The following CFAP54 variants were observed in gnomAD, a reference collection of about 807,000 sequenced individuals.
The protein encoded by CFAP54 is cilia- and flagella-associated protein 54.
CFAP54 carries 290 observed loss-of-function variants against 370.4 expected under a neutral mutation model. The ratio of observed to expected loss-of-function variants is 0.78; its 90% CI spans 0.71 to 0.86. CFAP54 has a LOEUF of 0.86. CFAP54 is among the 40% of genes least tolerant of loss of function. CFAP54 has a pLI of 0.00. For synonymous variants in CFAP54, 1,206 were observed against 1,236.5 expected, an observed-to-expected ratio of 0.98 and a Z score of 0.52; for missense variants, 3,399 against 3,528.7, an observed-to-expected ratio of 0.96 and a Z score of 0.93.
intron 26 of CFAP54, among the ~76,000 whole-genome samples, chr12:96,614,155 C>T (rs1956391063): frequency 1.3e-5 from 2 of 152,172 alleles, no homozygotes; most frequent in Non-Finnish European, 2.9e-5. Flanking sequence ...CATCAAAAAG[C>T]TTATCCACCA....
At chr12:96,651,987 T>A (rs905186708) in intron 36 of CFAP54, among the ~76,000 whole-genome samples, 172 bp downstream of exon 36, 1 of 152,184 alleles carries the variant, frequency 6.6e-6, no homozygotes, top group African/African-American at 2.4e-5. Context: ...TGATGTTAAC[T>A]AACAATAGCT....
intron 60 of CFAP54, among the ~76,000 whole-genome samples, chr12:96,770,188 A>ATGTGTG (rs57662567): frequency 0.046 from 6,980 of 151,004 alleles, 271 homozygotes; most frequent in East Asian, 0.1. Context: ...TGAAGGTGGG[A>ATGTGTG]TGTGTGTGTG....
chr12:96,710,411 T>C (rs1490431686), intron 48 of CFAP54, among the ~76,000 whole-genome samples: 1 of 152,068 alleles, frequency 6.6e-6, no homozygotes, highest in Non-Finnish European at 1.5e-5. Context: ...ATTTGAATAA[T>C]TTTAGTTTGA....
chr12:96,639,522 C>G (rs1400837391), intron 32 of CFAP54, among the ~76,000 whole-genome samples: 1 of 152,170 alleles, frequency 6.6e-6, no homozygotes, highest in African/African-American at 2.4e-5. Context: ...TGGTACCATT[C>G]CTTCTGAAAC....
rs188404603 is a variant in CFAP54, at chr12:96,789,098, C to T, written c.8679+2200C>T. 1.1e-3 allele frequency among the ~76,000 whole-genome samples: 167 copies of T among 152,302 alleles called. 1 individual carries two copies. The highest frequency in any genetic ancestry group is 0.01 in the Middle Eastern group (3 of 294). On this transcript the variant is annotated intron_variant, in intron 62 of 67. Transcript: ENST00000524981. ...ATGAGTACCAAAGTAGACAGATTTTCCAATCTGGCCTCATATTATTGGGTC... is the reference window on the plus strand; with the variant it reads ...ATGAGTACCAAAGTAGACAGATTTTTCAATCTGGCCTCATATTATTGGGTC...
At chr12:96,639,392 C>G (rs2136485578) in intron 32 of CFAP54, among the ~76,000 whole-genome samples, 1 of 152,326 alleles carries the variant, frequency 6.6e-6, no homozygotes, top group African/African-American at 2.4e-5. Flanking sequence ...GAAGTTGAAT[C>G]TCTGAATAGA....
chr12:96,694,905 C>T (rs1957426693), intron 45 of CFAP54, among the ~76,000 whole-genome samples: 1 of 152,066 alleles, frequency 6.6e-6, no homozygotes, highest in South Asian at 2.1e-4. Context: ...CCTGAAATCC[C>T]AGCTACTCTG....
intron 26 of CFAP54, among the ~76,000 whole-genome samples, chr12:96,616,301 G>A (rs1956416744): frequency 6.6e-6 from 1 of 150,966 alleles, no homozygotes; most frequent in Admixed American, 6.6e-5. Flanking sequence ...TCATAGGTGG[G>A]AATTGAACAA....
chr12:96,656,608 C>T (rs761673952), intron 36 of CFAP54, among the ~76,000 whole-genome samples: 5 of 152,190 alleles, frequency 3.3e-5, no homozygotes, highest in South Asian at 2.1e-4. Flanking sequence ...CTCAAACTCC[C>T]GACCTCAGTT....
intron 45 of CFAP54, among the ~76,000 whole-genome samples, chr12:96,697,077 A>C (rs1396845300): frequency 6.6e-6 from 1 of 152,226 alleles, no homozygotes; most frequent in Non-Finnish European, 1.5e-5. Context: ...TCAACACATC[A>C]AACCTAGAAA....
At chr12:96,745,287 AT>A (rs1210510121) in intron 55 of CFAP54, among the ~76,000 whole-genome samples, 1 of 152,152 alleles carries the variant, frequency 6.6e-6, no homozygotes, top group Non-Finnish European at 1.5e-5. Context: ...GGTTGAACTA[AT>A]TTACACTCCC....
chr12:96,761,798 A>C (rs781495448), intron 58 of CFAP54, among the ~76,000 whole-genome samples: 5 of 152,046 alleles, frequency 3.3e-5, no homozygotes, highest in Non-Finnish European at 5.9e-5. Flanking sequence ...ATTAATTATA[A>C]ATGCAAATGT....
chr12:96,828,200 G>C (rs1308250606), intron 65 of CFAP54, among the ~76,000 whole-genome samples: 1 of 150,282 alleles, frequency 6.7e-6, no homozygotes, highest in Non-Finnish European at 1.5e-5. Flanking sequence ...AGTTGTAAGT[G>C]AGGAAAAAAC....
intron 35 of CFAP54, among the ~76,000 whole-genome samples, 160 bp from the exon 36 acceptor site, chr12:96,651,428 A>G (rs1164173686): frequency 2.0e-5 from 3 of 152,226 alleles, no homozygotes; most frequent in African/African-American, 7.2e-5. Context: ...GAAGTAAATG[A>G]GATAATGCAT....
intron 8 of CFAP54, among the ~76,000 whole-genome samples, chr12:96,523,969 A>G (rs1380596394): frequency 2.0e-5 from 3 of 151,734 alleles, no homozygotes; most frequent in Non-Finnish European, 4.4e-5. Context: ...TAGTTGTTTC[A>G]GAGGCTAGTC....
intron 20 of CFAP54, among the ~76,000 whole-genome samples, chr12:96,580,294 C>T (rs1232128671): frequency 6.6e-6 from 1 of 152,060 alleles, no homozygotes; most frequent in Non-Finnish European, 1.5e-5. Context: ...ATAGTAATCC[C>T]ATCTCATAGA....
intron 39 of CFAP54, among the ~76,000 whole-genome samples, chr12:96,670,069 T>G (rs1957127517): frequency 6.6e-6 from 1 of 152,210 alleles, no homozygotes; most frequent in Non-Finnish European, 1.5e-5. Context: ...GGGCTGCTCA[T>G]CATGGTGGAA....
At chr12:96,596,978 C>T (rs1956186775) in intron 25 of CFAP54, among the ~76,000 whole-genome samples, 1 of 151,926 alleles carries the variant, frequency 6.6e-6, no homozygotes, top group African/African-American at 2.4e-5. Flanking sequence ...ATATCACTGG[C>T]AGGATTGAAA....
At chr12:96,778,642 GAA>G (rs1565975336) in intron 60 of CFAP54, among the ~76,000 whole-genome samples, 1 of 152,082 alleles carries the variant, frequency 6.6e-6, no homozygotes, top group Non-Finnish European at 1.5e-5. Flanking sequence ...CTGATTTACT[GAA>G]AATGGAATTT....
Sources: gnomAD v4.1 joint callset for allele counts (sites outside exome capture counted in the v4.1 genomes callset) on GRCh38, gnomAD v4.1.1 for gene constraint, MANE v1.5 for transcripts, NCBI Gene and HGNC (gene_info 2026-07-23, HGNC 2026-07-21) for gene names.